FOXK2: variants seen among roughly 807,000 people sequenced by gnomAD.
The protein encoded by FOXK2 is forkhead box K2.
Under a neutral mutation model 53.3 loss-of-function variants are expected in FOXK2, and 24 were observed. The observed-to-expected ratio is 0.45, with a 90% CI of 0.33 to 0.63. The LOEUF is 0.63. FOXK2 is among the 30% of genes least tolerant of loss of function. The pLI, the probability that FOXK2 is intolerant of heterozygous loss-of-function variation, is 0.03. For missense variants in FOXK2, 952 were observed against 910.5 expected, an observed-to-expected ratio of 1.05 and a Z score of -0.59; for synonymous variants, 505 against 407.1, an observed-to-expected ratio of 1.24 and a Z score of -2.89.
At chr17:82,593,212 C>G (rs1252812306) in intron 8 of FOXK2, among the ~76,000 whole-genome samples, 1 of 150,132 alleles carries the variant, frequency 6.7e-6, no homozygotes, top group Non-Finnish European at 1.5e-5. Context: ...GGCAGAGGCT[C>G]TTATTCTGAA....
intron 1 of FOXK2, among the ~76,000 whole-genome samples, chr17:82,540,463 T>C (rs1466049246): frequency 6.6e-6 from 1 of 152,174 alleles, no homozygotes; most frequent in African/African-American, 2.4e-5. Context: ...GCCTTTCCAG[T>C]GATCCCATGT....
At chr17:82,559,233 A>G (rs920634344) in intron 1 of FOXK2, 23 of 400,290 alleles carry the variant, frequency 5.7e-5, no homozygotes, top group African/African-American at 4.1e-4. Context: ...GAGTGTCTGT[A>G]TGTGGATGTG....
intron 1 of FOXK2, among the ~76,000 whole-genome samples, chr17:82,546,773 T>C (rs2044629528): frequency 6.6e-6 from 1 of 151,708 alleles, no homozygotes. Context: ...AACCTAAAAC[T>C]CGCTTTTAAA....
chr17:82,587,516 A>G (rs965167716), intron 8 of FOXK2: 7 of 529,670 alleles, frequency 1.3e-5, no homozygotes, highest in African/African-American at 3.8e-5. Context: ...AGAGGGAAAA[A>G]TACTCTCGCC....
rs1270244922 is a variant in FOXK2 at position 82,603,397 on chromosome 17, C to T, written c.*1898C>T. Reference sequence around the variant, plus strand: ...CAGCTCCCTCCACAGAGGGCTCCAGCTCTGTTGGTCACAGCTGATGGGGTT... The same window carrying T: ...CAGCTCCCTCCACAGAGGGCTCCAGTTCTGTTGGTCACAGCTGATGGGGTT... On this transcript the variant is annotated 3_prime_UTR_variant, in exon 9 of 9. Coordinates refer to ENST00000335255, the MANE Select transcript of FOXK2 (RefSeq NM_004514.4). 6.6e-6 allele frequency: 1 copy of T among 152,262 alleles called. No homozygotes were observed. The highest frequency in any genetic ancestry group is 2.4e-5 in the African/African-American group (1 of 41,464). The allele number at this position is 152,262 out of a possible 1,614,324, so 9.4% of individuals were successfully genotyped here. A position where few individuals can be genotyped will look rare whatever the true frequency, so the allele number is the denominator to read the frequency against.
chr17:82,535,054 A>G (rs1259233738), intron 1 of FOXK2, among the ~76,000 whole-genome samples: 1 of 152,002 alleles, frequency 6.6e-6, no homozygotes, highest in East Asian at 1.9e-4. Flanking sequence ...TGATTTTTGT[A>G]TTTTTTGTAC....
chr17:82,602,586 G>C lies in FOXK2; in HGVS notation c.*1087G>C, dbSNP rs1032620363. 7 of 152,312 alleles carry C rather than the reference G, an allele frequency of 4.6e-5. No homozygotes were observed. The highest frequency in any genetic ancestry group is 1.7e-4 in the African/African-American group (7 of 41,462). The allele number at this position is 152,312 out of a possible 1,614,324, so 9.4% of individuals were successfully genotyped here. On this transcript the variant is annotated 3_prime_UTR_variant, in exon 9 of 9. Coordinates refer to ENST00000335255, the MANE Select transcript of FOXK2 (RefSeq NM_004514.4). ...CCTTCGGTGAGCGGCCGCCATGGTG[G>C]AGCAGGGTCCGAGCCACGTCCTGCA...
intron 5 of FOXK2, 136 bp from the exon 6 acceptor site, chr17:82,583,877 C>T (rs189873421): frequency 8.6e-5 from 75 of 875,000 alleles, no homozygotes; most frequent in Admixed American, 7.3e-4. Context: ...CGTGCAGAGA[C>T]GTAGAACTTA....
intron 4 of FOXK2, among the ~76,000 whole-genome samples, chr17:82,573,558 T>TCA (rs1263537053): frequency 5.8e-3 from 530 of 90,686 alleles, no homozygotes; most frequent in African/African-American, 0.013. Flanking sequence ...TCTCTCTCTC[T>TCA]CTCTCACACA....
In FOXK2 at chr17:82,601,550, A is replaced by G. The variant is rs762456803; in HGVS notation, c.*51A>G. The G allele has an allele frequency of 7.9e-6, 12 of 1,523,946 alleles. No homozygotes were observed. In the East Asian group the frequency reaches 2.8e-4, roughly 35 times the overall value. The allele number at this position is 1,523,946 out of a possible 1,614,324, so 94.4% of individuals were successfully genotyped here. On this transcript the variant is annotated 3_prime_UTR_variant, in exon 9 of 9. Transcript: ENST00000335255. ...ATATCAACTCTGTGGTGCCAAAAGG[A>G]GACGCGGCCTCCCGCCAGCACTCGG...
chr17:82,525,903 AC>A (rs2044412806), intron 1 of FOXK2, among the ~76,000 whole-genome samples: 2 of 152,072 alleles, frequency 1.3e-5, no homozygotes, highest in South Asian at 2.1e-4. Context: ...TTTCTTTCTT[AC>A]GTGGCATGAA....
At chr17:82,535,220 G>T (rs1018159519) in intron 1 of FOXK2, among the ~76,000 whole-genome samples, 1 of 152,206 alleles carries the variant, frequency 6.6e-6, no homozygotes, top group Non-Finnish European at 1.5e-5. Context: ...GCTGTTAACA[G>T]TTATCCAGTC....
At chr17:82,535,575 G>T (rs1039471286) in intron 1 of FOXK2, among the ~76,000 whole-genome samples, 3 of 152,052 alleles carry the variant, frequency 2.0e-5, no homozygotes, top group Admixed American at 2.0e-4. Flanking sequence ...GATTCTTCTT[G>T]TGCCTGCTCA....
Position 82,563,454 on chromosome 17 carries a change from G to GC in FOXK2, c.522dup (p.Val175ArgfsTer57). 1 of 1,614,126 alleles carries GC rather than the reference G, an allele frequency of 6.2e-7. No individual in the cohort carries two copies. Among genetic ancestry groups the GC allele is most frequent in the Non-Finnish European group, 8.5e-7 (1 of 1,180,026 alleles). On this transcript the variant is annotated frameshift_variant, in exon 2 of 9. Transcript: ENST00000335255. LOFTEE classifies it high-confidence loss of function. Reference sequence around the variant, plus strand: ...GGAGGCGTCTGAGTCTCCAGTGAAGGCCGTACAGCCACACATCTCGCCCCT... The same window carrying GC: ...GGAGGCGTCTGAGTCTCCAGTGAAGGCCCGTACAGCCACACATCTCGCCCCT...
chr17:82,601,125 G>T lies in FOXK2; in HGVS notation c.1787-178G>T, dbSNP rs537745369. The T allele has an allele frequency of 5.8e-5, 39 of 672,734 alleles. No homozygotes were observed. The East Asian group carries it at 1.0e-3, about 18-fold the overall frequency. The allele number at this position is 672,734 out of a possible 1,614,324, so 41.7% of individuals were successfully genotyped here. ...CTGTGCCCTTGGCCACCGTGGGCCA[G>T]TCCCTGGGGTCTTGTGGGAGCCTCC... On this transcript the variant is annotated intron_variant, in intron 8 of 8. Transcript: ENST00000335255.
At position 82,520,167 on chromosome 17, in the gene FOXK2, G is replaced by T; in HGVS notation, c.279G>T (p.Gly93=). ...CCCCGGGCGGCGGCGGCCATGGCGG[G>T]GCCGCTCCGGAGCTGCCGCCCGCGC... The part of the protein sequence containing the change: ...FTPPGGGGHG[G]AAPELPPAQP... Residue 93 remains glycine, a synonymous_variant, in exon 1 of 9, where the codon GGG becomes GGT. Coordinates refer to ENST00000335255, the MANE Select transcript of FOXK2 (RefSeq NM_004514.4). 1 of 1,496,662 alleles carries T rather than the reference G, an allele frequency of 6.7e-7. No homozygotes were observed. The highest frequency in any genetic ancestry group is 8.9e-7 in the Non-Finnish European group (1 of 1,122,366). 92.7% of individuals were successfully genotyped at this position (1,496,662 alleles called of 1,614,324 possible). A position where few individuals can be genotyped will look rare whatever the true frequency, so the allele number is the denominator to read the frequency against.
chr17:82,566,676 C>T (rs1333455100), intron 2 of FOXK2, among the ~76,000 whole-genome samples: 1 of 152,176 alleles, frequency 6.6e-6, no homozygotes, highest in Non-Finnish European at 1.5e-5. Context: ...GGGTGGGTCA[C>T]AGCTGCCACC....
chr17:82,529,040 G>A (rs2044445652), intron 1 of FOXK2, among the ~76,000 whole-genome samples: 1 of 152,160 alleles, frequency 6.6e-6, no homozygotes. Flanking sequence ...ACAACGCACA[G>A]GACGCAGGAG....
chr17:82,550,502 CTTTT>C (rs1304088522), intron 1 of FOXK2, among the ~76,000 whole-genome samples: 1 of 126,872 alleles, frequency 7.9e-6, no homozygotes, highest in Admixed American at 8.3e-5. Flanking sequence ...CTGAGGCGGG[CTTTT>C]TTTTTTTTTT....
Sources: gnomAD v4.1 joint callset for allele counts (sites outside exome capture counted in the v4.1 genomes callset) on GRCh38, gnomAD v4.1.1 for gene constraint, MANE v1.5 for transcripts, NCBI Gene and HGNC (gene_info 2026-07-23, HGNC 2026-07-21) for gene names.